The following DOCK5 variants were observed in gnomAD, a reference collection of about 807,000 sequenced individuals.
The protein encoded by DOCK5 is dedicator of cytokinesis 5.
DOCK5 carries 142 observed loss-of-function variants against 251.8 expected under a neutral mutation model. The ratio of observed to expected loss-of-function variants is 0.56; its 90% confidence interval spans 0.49 to 0.65. DOCK5 has a LOEUF of 0.65. Among genes scored for constraint, DOCK5 ranks in the 30% least tolerant of loss-of-function variants. The probability of loss-of-function intolerance (pLI) is 0.00; values close to 1 mark genes in which losing one functional copy is unlikely to be tolerated. For synonymous variants in DOCK5, 842 were observed against 835.5 expected, an observed-to-expected ratio of 1.01 and a Z score of -0.13; for missense variants, 2,111 against 2,312.3, an observed-to-expected ratio of 0.91 and a Z score of 1.79.
At chr8:25,408,668 G>C in intron 49 of DOCK5, 134 bp from the exon 50 acceptor site, 1 of 1,007,754 alleles carries the variant, frequency 9.9e-7, no homozygotes, top group Non-Finnish European at 1.5e-6. Context: ...CCCATCATAT[G>C]ACAATGCTTA....
At position 25,292,176 on chromosome 8, in the gene DOCK5, G is replaced by A; in HGVS notation, c.470+4G>A. 4 of 1,561,806 alleles carry A rather than the reference G, an allele frequency of 2.6e-6. No individual in the cohort carries two copies. Among genetic ancestry groups the A allele is most frequent in the Non-Finnish European group, 2.6e-6 (3 of 1,154,832 alleles). On this transcript the variant is annotated splice_donor_region_variant and intron_variant, in intron 6 of 51. Coordinates refer to ENST00000276440, the MANE Select transcript of DOCK5 (RefSeq NM_024940.8). Reference sequence around the variant, plus strand: ...CCAAAATTGATCATGGGAACAGGTAGGTAAACCAGGGATGGCTTTTCACTG... The same window carrying A: ...CCAAAATTGATCATGGGAACAGGTAAGTAAACCAGGGATGGCTTTTCACTG...
chr8:25,308,027 G>C (rs1278229092), intron 11 of DOCK5, among the ~76,000 whole-genome samples: 3 of 152,150 alleles, frequency 2.0e-5, no homozygotes, highest in Admixed American at 6.5e-5. Context: ...TATTGTCAGG[G>C]TACAGGGAAC....
chr8:25,200,992 C>T (rs953178327), intron 1 of DOCK5, among the ~76,000 whole-genome samples: 18 of 152,202 alleles, frequency 1.2e-4, no homozygotes, highest in East Asian at 5.8e-4. Context: ...CTGCAACCTC[C>T]GCCTCCTGGG....
At chr8:25,389,273 G>T (rs1801216721) in intron 41 of DOCK5, 41 bp downstream of exon 41, 1 of 1,599,354 alleles carries the variant, frequency 6.3e-7, no homozygotes. Flanking sequence ...GGCTCTTATG[G>T]CTGTGCACAG....
intron 1 of DOCK5, among the ~76,000 whole-genome samples, chr8:25,209,410 C>T (rs1297452327): frequency 1.4e-5 from 1 of 70,258 alleles, no homozygotes; most frequent in African/African-American, 3.2e-5. Context: ...GGCAAGAGAC[C>T]GCTTAGAAAT....
chr8:25,319,772 A>T lies in DOCK5; in HGVS notation c.1542+96A>T, dbSNP rs992460918. The T allele has an allele frequency of 3.4e-6, 3 of 874,770 alleles. No individual in the cohort carries two copies. The African/African-American group carries it at 5.1e-5, about 15-fold the overall frequency. The allele number at this position is 874,770 out of a possible 1,614,324, so 54.2% of individuals were successfully genotyped here. A position where few individuals can be genotyped will look rare whatever the true frequency, so the allele number is the denominator to read the frequency against. ...CCAAATTATTCCTACTTTATTTTGA[A>T]ATTTTTAGATAAGTTGCCTATGGTG... is the stretch of plus-strand genomic sequence containing the variant. On this transcript the variant is annotated intron_variant, in intron 15 of 51. Transcript: ENST00000276440.
intron 40 of DOCK5, among the ~76,000 whole-genome samples, chr8:25,388,091 A>G (rs1387946112): frequency 6.6e-6 from 1 of 152,222 alleles, no homozygotes; most frequent in Non-Finnish European, 1.5e-5. Flanking sequence ...GTTTGCCTGG[A>G]AAGTGTAATT....
chr8:25,267,518 G>A (rs1319841505), intron 2 of DOCK5, among the ~76,000 whole-genome samples: 6 of 152,196 alleles, frequency 3.9e-5, no homozygotes, highest in Admixed American at 6.5e-5. Flanking sequence ...AATTACAAGA[G>A]AGTTCTAGGA....
At chr8:25,288,150 T>G (rs1174980406) in intron 5 of DOCK5, among the ~76,000 whole-genome samples, 1 of 152,180 alleles carries the variant, frequency 6.6e-6, no homozygotes, top group Admixed American at 6.5e-5. Context: ...CCTCCCAAAG[T>G]GCTGGGATTA....
chr8:25,277,253 GA>G (rs1195542118), intron 4 of DOCK5: 3 of 153,380 alleles, frequency 2.0e-5, no homozygotes, highest in African/African-American at 4.8e-5. Context: ...GACAGGATAA[GA>G]AAACTCATAG....
chr8:25,210,008 T>TTATATATATATA (rs375221561), intron 1 of DOCK5, among the ~76,000 whole-genome samples: 11 of 27,208 alleles, frequency 4.0e-4, no homozygotes, highest in African/African-American at 1.2e-3. Context: ...CCCCGGCTAA[T>TTATATATATATA]TATATATATA....
At chr8:25,255,671 T>A (rs1326288257) in intron 2 of DOCK5, among the ~76,000 whole-genome samples, 1 of 152,180 alleles carries the variant, frequency 6.6e-6, no homozygotes, top group African/African-American at 2.4e-5. Context: ...CAATGTAACC[T>A]ATGGACTTTG....
At chr8:25,374,796 A>T (rs779789205) in intron 37 of DOCK5, 142 bp downstream of exon 37, 2 of 1,552,470 alleles carry the variant, frequency 1.3e-6, no homozygotes, top group Non-Finnish European at 1.7e-6. Context: ...TTCTTTCTAA[A>T]TAGGCACAGC....
intron 3 of DOCK5, among the ~76,000 whole-genome samples, chr8:25,272,176 G>A (rs536277095): frequency 6.6e-6 from 1 of 152,160 alleles, no homozygotes; most frequent in East Asian, 1.9e-4. Flanking sequence ...CCATTGGCAT[G>A]TGCCACCATG....
At chr8:25,201,068 G>A (rs995311619) in intron 1 of DOCK5, among the ~76,000 whole-genome samples, 33 of 152,098 alleles carry the variant, frequency 2.2e-4, no homozygotes, top group Non-Finnish European at 2.9e-5. Flanking sequence ...CACCATGCCC[G>A]GCTAATTTTT....
intron 27 of DOCK5, among the ~76,000 whole-genome samples, chr8:25,354,285 T>G (rs2117255203): frequency 6.6e-6 from 1 of 152,264 alleles, no homozygotes; most frequent in African/African-American, 2.4e-5. Context: ...TTTGTGAAAT[T>G]TAAGAAAAGA....
intron 11 of DOCK5, among the ~76,000 whole-genome samples, chr8:25,307,637 G>T (rs1186431448): frequency 6.6e-6 from 1 of 152,116 alleles, no homozygotes; most frequent in Non-Finnish European, 1.5e-5. Context: ...TATATTTGCT[G>T]GTGGTGATGT....
At chr8:25,276,407 CTG>C (rs1423408808) in intron 4 of DOCK5, among the ~76,000 whole-genome samples, 1 of 152,176 alleles carries the variant, frequency 6.6e-6, no homozygotes, top group East Asian at 1.9e-4. Flanking sequence ...AGTACTGCCT[CTG>C]TGACAGCTAA....
chr8:25,325,155 A>G (rs1805530544), intron 17 of DOCK5, among the ~76,000 whole-genome samples: 1 of 152,172 alleles, frequency 6.6e-6, no homozygotes, highest in African/African-American at 2.4e-5. Context: ...TCTAGTTCAC[A>G]ACTTATTCTG....
Sources: allele counts gnomAD v4.1 joint callset (sites outside exome capture counted in the v4.1 genomes callset), GRCh38; gene constraint gnomAD v4.1.1; transcripts MANE v1.5; gene names NCBI Gene and HGNC (gene_info 2026-07-23, HGNC 2026-07-21).